The following AGFG1 variants were observed in gnomAD, a reference collection of about 807,000 sequenced individuals.
AGFG1 encodes the protein arf-GAP domain and FG repeat-containing protein 1.
A neutral mutation model predicts 60.6 loss-of-function variants in AGFG1; 10 were observed. The ratio of observed to expected loss-of-function variants is 0.16; its 90% CI spans 0.10 to 0.28. The LOEUF is 0.28. AGFG1 is among the 10% of genes least tolerant of loss of function. AGFG1 has a pLI of 1.00. For synonymous variants in AGFG1, 247 were observed against 242.9 expected (o/e 1.02, Z -0.16); for missense variants, 537 against 676.5 (o/e 0.79, Z 2.29).
At chr2:227,484,787 T>C (rs978215661) in intron 1 of AGFG1, among the ~76,000 whole-genome samples, 11 of 147,596 alleles carry the variant, frequency 7.5e-5, no homozygotes, top group Non-Finnish European at 4.5e-5. Flanking sequence ...CACTGTAACC[T>C]CTGCCTCCTG....
chr2:227,511,966 CA>C (rs999880746), intron 2 of AGFG1, among the ~76,000 whole-genome samples: 5 of 152,134 alleles, frequency 3.3e-5, no homozygotes, highest in Non-Finnish European at 5.9e-5. Context: ...TCAGGGGTCA[CA>C]TTCTGTTAAG....
intron 1 of AGFG1, among the ~76,000 whole-genome samples, chr2:227,487,275 TC>T (rs1335413880): frequency 2.0e-5 from 3 of 152,184 alleles, no homozygotes. Context: ...GAGTAAGTTA[TC>T]TTTATTATAG....
rs1183673838 is a variant in AGFG1 at position 227,524,737 on chromosome 2, TTTATAG to T, written c.541-21_541-16del. 1.9e-6 allele frequency: 3 copies of T among 1,612,134 alleles called. No individual in the cohort carries two copies. In the Admixed American group the frequency reaches 5.0e-5, roughly 27 times the overall value. ...ATTTTGCAGATCCGACTGGAATATC[TTTATAG>T]TTAATATGTGGTTTGTAGTCCCCAG... On this transcript the variant is annotated intron_variant, in intron 4 of 12. Transcript: ENST00000310078.
chr2:227,506,003 A>G (rs905886996), intron 2 of AGFG1, among the ~76,000 whole-genome samples: 7 of 152,166 alleles, frequency 4.6e-5, no homozygotes, highest in South Asian at 4.1e-4. Flanking sequence ...TGGCCTTCCA[A>G]AATGCTGGGA....
intron 2 of AGFG1, among the ~76,000 whole-genome samples, chr2:227,493,969 G>A (rs749895646): frequency 6.6e-6 from 1 of 152,192 alleles, no homozygotes; most frequent in Non-Finnish European, 1.5e-5. Context: ...AGTCACTGAA[G>A]ATGGAGCAAA....
At chr2:227,535,094 A>T in intron 8 of AGFG1, 69 bp downstream of exon 8, 1 of 1,368,536 alleles carries the variant, frequency 7.3e-7, no homozygotes, top group Non-Finnish European at 9.6e-7. Context: ...ATAATCAATT[A>T]AAAAATGACT....
rs1448058272 is a variant in AGFG1 at position 227,556,823 on chromosome 2, C to T, written c.*2328C>T. 6.6e-6 allele frequency: 1 copy of T among 152,138 alleles called. No individual in the cohort carries two copies. The highest frequency in any genetic ancestry group is 2.4e-5 in the African/African-American group (1 of 41,416). 9.4% of individuals were successfully genotyped at this position (152,138 alleles called of 1,614,324 possible). On this transcript the variant is annotated 3_prime_UTR_variant, in exon 13 of 13. Transcript: ENST00000310078. ...TGGTGTGAGAGCCTGTGAGTCCTAG[C>T]TACCTGGAGGTGAGGTGGGAACATC...
intron 4 of AGFG1, among the ~76,000 whole-genome samples, chr2:227,524,196 T>C (rs1482439794): frequency 1.3e-5 from 2 of 152,112 alleles, no homozygotes; most frequent in Non-Finnish European, 2.9e-5. Context: ...TATATATGTG[T>C]GTGTGTGTAT....
At chr2:227,541,594 G>A (rs187022213) in intron 10 of AGFG1, among the ~76,000 whole-genome samples, 6 of 152,336 alleles carry the variant, frequency 3.9e-5, no homozygotes, top group African/African-American at 1.4e-4. Flanking sequence ...TTTGGTTACT[G>A]TAGCCTTGTA....
chr2:227,488,244 C>T (rs1690697259), intron 1 of AGFG1, among the ~76,000 whole-genome samples: 1 of 152,036 alleles, frequency 6.6e-6, no homozygotes, highest in Non-Finnish European at 1.5e-5. Context: ...ATATGAATAC[C>T]TTCTTTGTGC....
At chr2:227,530,309 G>A (rs760183454) in intron 5 of AGFG1, among the ~76,000 whole-genome samples, 11 of 152,112 alleles carry the variant, frequency 7.2e-5, no homozygotes, top group Non-Finnish European at 1.2e-4. Flanking sequence ...TTGCAAAGTT[G>A]TGTTTTCCAA....
At chr2:227,537,081 C>G in intron 10 of AGFG1, 88 bp downstream of exon 10, 1 of 1,142,840 alleles carries the variant, frequency 8.8e-7, no homozygotes, top group Non-Finnish European at 1.3e-6. Context: ...AAAATGGGGC[C>G]TCTTTCTTAG....
chr2:227,549,505 T>C (rs1692756451), intron 10 of AGFG1, among the ~76,000 whole-genome samples: 2 of 152,242 alleles, frequency 1.3e-5, no homozygotes, highest in Admixed American at 6.5e-5. Flanking sequence ...TATTTTAACC[T>C]GTAAATACCG....
chr2:227,535,058 G>A, intron 8 of AGFG1, 33 bp downstream of exon 8: 1 of 1,461,596 alleles, frequency 6.8e-7, no homozygotes, highest in Non-Finnish European at 9.1e-7. Flanking sequence ...CCTGCTTTGT[G>A]TTTTATCTTT....
intron 1 of AGFG1, among the ~76,000 whole-genome samples, chr2:227,484,701 T>G (rs1345919932): frequency 2.8e-3 from 54 of 19,120 alleles, no homozygotes; most frequent in Non-Finnish European, 3.5e-3. Context: ...TTTTTTTTTT[T>G]TTTTTTTTTT....
At chr2:227,478,085 C>T (rs1356366483) in intron 1 of AGFG1, among the ~76,000 whole-genome samples, 2 of 151,804 alleles carry the variant, frequency 1.3e-5, no homozygotes, top group Non-Finnish European at 2.9e-5. Flanking sequence ...GTTCCAACAG[C>T]GATTCTTTTC....
At chr2:227,537,014 A>C (rs1288281538) in intron 10 of AGFG1, 21 bp downstream of exon 10, 1 of 1,596,882 alleles carries the variant, frequency 6.3e-7, no homozygotes. Context: ...GAGACAGTGG[A>C]ACAGTAAGTT....
chr2:227,539,687 G>T (rs1692422046), intron 10 of AGFG1, among the ~76,000 whole-genome samples: 1 of 139,796 alleles, frequency 7.2e-6, no homozygotes, highest in Non-Finnish European at 1.5e-5. Context: ...CGAAATTACA[G>T]TGAACTGTGA....
At chr2:227,492,209 A>G (rs1270691291) in intron 2 of AGFG1, among the ~76,000 whole-genome samples, 1 of 151,980 alleles carries the variant, frequency 6.6e-6, no homozygotes, top group Non-Finnish European at 1.5e-5. Context: ...CAGTAATTCT[A>G]TTCTGTTTGC....
Sources: allele counts gnomAD v4.1 joint callset (sites outside exome capture counted in the v4.1 genomes callset), GRCh38; gene constraint gnomAD v4.1.1; transcripts MANE v1.5; gene names NCBI Gene and HGNC (gene_info 2026-07-23, HGNC 2026-07-21).